Variants in BCAR3 observed in about 807,000 individuals in gnomAD.
The protein encoded by BCAR3 is breast cancer anti-estrogen resistance protein 3.
Under a neutral mutation model 80.1 loss-of-function variants are expected in BCAR3, and 37 were observed. The ratio of observed to expected loss-of-function variants is 0.46; its 90% CI spans 0.36 to 0.61. BCAR3 has a LOEUF of 0.61. BCAR3 is among the 20% of genes least tolerant of loss of function. The probability of loss-of-function intolerance (pLI) is 0.00; values close to 1 mark genes in which losing one functional copy is unlikely to be tolerated. For synonymous variants in BCAR3, 389 were observed against 418.9 expected, an observed-to-expected ratio of 0.93 and a Z score of 0.87; for missense variants, 978 against 1,068.2, an observed-to-expected ratio of 0.92 and a Z score of 1.18.
intron 2 of BCAR3, among the ~76,000 whole-genome samples, chr1:93,669,713 T>C (rs1469863812): frequency 6.6e-6 from 1 of 152,204 alleles, no homozygotes. Context: ...CAGGAACCAG[T>C]CCCCTCTCAG....
Position 93,769,355 on chromosome 1 carries a change from ATGTGTGTGTGTGTGTG to A in BCAR3, c.-62-63229_-62-63214del, listed in dbSNP as rs59798936. On this transcript the variant is annotated intron_variant, in intron 2 of 13. Coordinates refer to the BCAR3 transcript ENST00000370244. ...TTTAGGACTAAATATGTGGGTAGGA[ATGTGTGTGTGTGTGTG>A]TGTGTGTGTGTGTGTGTGTGTGTGT... Among the ~76,000 whole-genome samples the A allele has an allele frequency of 2.6e-3, 317 of 119,916 alleles. 1 individual carries two copies. Among genetic ancestry groups the A allele is most frequent in the African/African-American group, 8.2e-3 (257 of 31,506 alleles). The allele number at this position is 119,916 out of a possible 152,430, so 78.7% of individuals were successfully genotyped here. A position where few individuals can be genotyped will look rare whatever the true frequency, so the allele number is the denominator to read the frequency against.
chr1:93,738,576 G>A (rs1188481585), intron 2 of BCAR3, among the ~76,000 whole-genome samples: 1 of 152,176 alleles, frequency 6.6e-6, no homozygotes, highest in African/African-American at 2.4e-5. Flanking sequence ...CCTGGCACTG[G>A]CATCTTCCAT....
intron 7 of BCAR3, among the ~76,000 whole-genome samples, chr1:93,577,239 A>T (rs2101819822): frequency 6.6e-6 from 1 of 151,116 alleles, no homozygotes; most frequent in South Asian, 2.1e-4. Flanking sequence ...TGCAACAACA[A>T]GTCTAGCCAC....
At chr1:93,659,049 A>T (rs1442929507) in intron 2 of BCAR3, among the ~76,000 whole-genome samples, 1 of 152,188 alleles carries the variant, frequency 6.6e-6, no homozygotes, top group African/African-American at 2.4e-5. Context: ...GCTTCCGCTC[A>T]TTTGCATGTG....
At chr1:93,729,752 C>G (rs1218913932) in intron 2 of BCAR3, among the ~76,000 whole-genome samples, 4 of 152,146 alleles carry the variant, frequency 2.6e-5, no homozygotes, top group Non-Finnish European at 5.9e-5. Context: ...CTGGGATGTC[C>G]TGGCTGTGAG....
intron 2 of BCAR3, among the ~76,000 whole-genome samples, chr1:93,726,470 A>T (rs1650587322): frequency 6.6e-6 from 1 of 152,202 alleles, no homozygotes; most frequent in Non-Finnish European, 1.5e-5. Flanking sequence ...GGGGAATTGC[A>T]TTGGCTTAAC....
chr1:93,675,077 G>A lies in BCAR3; in HGVS notation c.-11-136C>T, dbSNP rs1648410393. On this transcript the variant is annotated intron_variant, in intron 1 of 11. Transcript: ENST00000260502. The stretch of plus-strand genomic sequence containing the variant: ...ACCATTAACAGATCAACATTTAATG[G>A]CATCACTAGTGGAGTCTAATAAGAA... 10 of 671,790 alleles carry A rather than the reference G, an allele frequency of 1.5e-5. No homozygotes were observed. In the East Asian group the frequency reaches 2.9e-4, roughly 20 times the overall value. The allele number at this position is 671,790 out of a possible 1,614,324, so 41.6% of individuals were successfully genotyped here. A position where few individuals can be genotyped will look rare whatever the true frequency, so the allele number is the denominator to read the frequency against.
intron 3 of BCAR3, among the ~76,000 whole-genome samples, chr1:93,604,590 G>A (rs1352786746): frequency 1.3e-5 from 2 of 152,198 alleles, no homozygotes; most frequent in African/African-American, 2.4e-5. Flanking sequence ...TGTGATAGGT[G>A]CCCATGCCTT....
intron 2 of BCAR3, among the ~76,000 whole-genome samples, chr1:93,709,478 G>A (rs1649941952): frequency 6.6e-6 from 1 of 152,240 alleles, no homozygotes; most frequent in South Asian, 2.1e-4. Flanking sequence ...TTGCCCTTCA[G>A]TGAAGTGGGT....
chr1:93,656,615 T>TC (rs1448984722), intron 2 of BCAR3, among the ~76,000 whole-genome samples: 16 of 151,776 alleles, frequency 1.1e-4, no homozygotes, highest in Non-Finnish European at 2.2e-4. Flanking sequence ...GAAGTCTTTT[T>TC]TTTTTTTTTT....
In BCAR3 at chr1:93,837,633, C is replaced by T. The variant is rs1051970536; in HGVS notation, c.-63+7934G>A. Among the ~76,000 whole-genome samples, 3 of 152,330 alleles carry T rather than the reference C, an allele frequency of 2.0e-5. No individual in the cohort carries two copies. In the East Asian group the frequency reaches 5.8e-4, roughly 29 times the overall value. ...AGCTCTGAGACTGCTGGGTCCCACC[C>T]CTTCAAGATTCCTAGCCAATCAGGC... On this transcript the variant is annotated intron_variant, in intron 2 of 13. Coordinates refer to the BCAR3 transcript ENST00000370244.
intron 1 of BCAR3, chr1:93,846,815 A>G (rs901133547): frequency 8.5e-6 from 4 of 471,792 alleles, no homozygotes; most frequent in Non-Finnish European, 1.7e-5. Context: ...GAGCTCTCGG[A>G]GGATGCTGCG....
At chr1:93,681,036 G>A (rs1648733857) in intron 1 of BCAR3, 1 of 152,280 alleles carries the variant, frequency 6.6e-6, no homozygotes, top group African/African-American at 2.4e-5. Flanking sequence ...AAGGGAGAGA[G>A]GGAGGGAGAT....
chr1:93,607,705 G>A (rs1674817192), intron 3 of BCAR3, among the ~76,000 whole-genome samples: 1 of 151,964 alleles, frequency 6.6e-6, no homozygotes, highest in African/African-American at 2.4e-5. Flanking sequence ...TCCCGTATAG[G>A]AAGCTCTTTC....
intron 2 of BCAR3, among the ~76,000 whole-genome samples, chr1:93,805,218 T>A (rs998797335): frequency 1.3e-5 from 2 of 152,218 alleles, no homozygotes; most frequent in South Asian, 4.1e-4. Flanking sequence ...ATCTGCTTTA[T>A]AGAGATTTCA....
intron 2 of BCAR3, among the ~76,000 whole-genome samples, chr1:93,670,992 GT>G (rs1388713217): frequency 1.3e-5 from 2 of 151,798 alleles, no homozygotes; most frequent in East Asian, 3.9e-4. Context: ...TATAATAAAG[GT>G]TATTATTATT....
intron 2 of BCAR3, chr1:93,775,493 C>T (rs572022644): frequency 9.8e-5 from 15 of 152,310 alleles, no homozygotes; most frequent in African/African-American, 3.6e-4. Context: ...TGCTTCATAT[C>T]ATAGGGCACT....
At chr1:93,621,345 C>A (rs1432922367) in intron 3 of BCAR3, among the ~76,000 whole-genome samples, 1 of 152,196 alleles carries the variant, frequency 6.6e-6, no homozygotes, top group African/African-American at 2.4e-5. Context: ...CTGGGGCTTC[C>A]ATGGGCCACT....
intron 3 of BCAR3, among the ~76,000 whole-genome samples, chr1:93,607,621 A>G (rs1478851246): frequency 6.6e-6 from 1 of 151,336 alleles, no homozygotes; most frequent in East Asian, 1.9e-4. Context: ...AAAAAAAAAA[A>G]GGCCCAGCAT....
Sources: allele counts gnomAD v4.1 joint callset (sites outside exome capture counted in the v4.1 genomes callset), GRCh38; gene constraint gnomAD v4.1.1; transcripts MANE v1.5; gene names NCBI Gene and HGNC (gene_info 2026-07-23, HGNC 2026-07-21).